The following NLGN1 variants were observed in gnomAD, a reference collection of about 807,000 sequenced individuals.
The protein encoded by NLGN1 is neuroligin 1, also known as neuroligin-1.
In NLGN1, 12 loss-of-function variants were observed where a neutral mutation model predicts 65.5. The ratio of observed to expected loss-of-function variants is 0.18; its 90% CI spans 0.12 to 0.30. The LOEUF (loss-of-function observed/expected upper bound fraction) is 0.30. Among genes scored for constraint, NLGN1 ranks in the 10% least tolerant of loss-of-function variants. The pLI is 1.00. For synonymous variants in NLGN1, 350 were observed against 359.5 expected (o/e 0.97, Z 0.30); for missense variants, 750 against 1,007.1 (o/e 0.74, Z 3.46).
chr3:173,518,993 C>T (rs1036211645), intron 2 of NLGN1, among the ~76,000 whole-genome samples: 1 of 152,132 alleles, frequency 6.6e-6, no homozygotes, highest in Non-Finnish European at 1.5e-5. Context: ...TGCTGTCCTG[C>T]ACAGCCTCAG....
intron 4 of NLGN1, among the ~76,000 whole-genome samples, chr3:174,164,057 A>G (rs570551304): frequency 6.6e-6 from 1 of 152,188 alleles, no homozygotes; most frequent in South Asian, 2.1e-4. Flanking sequence ...CCAACAGTGT[A>G]CAAGTATTCC....
intron 2 of NLGN1, among the ~76,000 whole-genome samples, chr3:173,584,371 A>G (rs111921602): frequency 0.013 from 1,630 of 123,518 alleles, 36 homozygotes; most frequent in African/African-American, 0.047. Context: ...GTAGAAACCT[A>G]TATTAGGGTA....
intron 3 of NLGN1, among the ~76,000 whole-genome samples, chr3:173,632,603 G>T (rs1333763985): frequency 2.0e-5 from 3 of 152,124 alleles, no homozygotes; most frequent in African/African-American, 4.8e-5. Context: ...GAAGTTCAGA[G>T]AATTCAGTCA....
intron 2 of NLGN1, among the ~76,000 whole-genome samples, chr3:173,482,385 C>T (rs1465590900): frequency 6.6e-6 from 1 of 151,592 alleles, no homozygotes; most frequent in African/African-American, 2.4e-5. Context: ...AATTTTTTTC[C>T]AGGTGGATCT....
downstream of NLGN1, among the ~76,000 whole-genome samples, chr3:174,288,146 A>G (rs960319369): frequency 6.6e-6 from 1 of 151,542 alleles, no homozygotes; most frequent in Non-Finnish European, 1.5e-5. Context: ...TCTATTTCAC[A>G]TGTCTCAAAA....
At chr3:174,152,649 AAT>A (rs941693080) in intron 4 of NLGN1, among the ~76,000 whole-genome samples, 1 of 151,772 alleles carries the variant, frequency 6.6e-6, no homozygotes, top group South Asian at 2.1e-4. Flanking sequence ...GTATAATAAA[AAT>A]ATATATATAA....
intron 4 of NLGN1, among the ~76,000 whole-genome samples, chr3:173,990,939 A>T (rs1720969363): frequency 6.6e-6 from 1 of 152,166 alleles, no homozygotes; most frequent in East Asian, 1.9e-4. Context: ...CTCACATCAA[A>T]ATTTAGCAGA....
chr3:173,839,870 TTATAGA>T (rs3033760), intron 4 of NLGN1, among the ~76,000 whole-genome samples: 99,167 of 151,212 alleles, frequency 0.66, 33,305 homozygotes, highest in Non-Finnish European at 0.73. Context: ...AAATGTGGTA[TTATAGA>T]TATAGCTAAA....
intron 3 of NLGN1, among the ~76,000 whole-genome samples, chr3:173,734,333 C>T (rs1348843956): frequency 7.4e-6 from 1 of 135,596 alleles, no homozygotes. Flanking sequence ...GTTGTGTTTT[C>T]AGTCTATTGA....
intron 2 of NLGN1, among the ~76,000 whole-genome samples, chr3:173,602,392 T>C (rs1451034591): frequency 6.6e-6 from 1 of 152,000 alleles, no homozygotes; most frequent in Non-Finnish European, 1.5e-5. Context: ...AATACTATAG[T>C]TCTCCAAACA....
At chr3:173,461,043 C>G (rs1723288798) in intron 2 of NLGN1, among the ~76,000 whole-genome samples, 1 of 152,138 alleles carries the variant, frequency 6.6e-6, no homozygotes, top group Non-Finnish European at 1.5e-5. Context: ...TATGGAGAGA[C>G]AGTAGTTTAC....
chr3:173,432,516 G>A (rs934765392), intron 1 of NLGN1, among the ~76,000 whole-genome samples: 1 of 152,108 alleles, frequency 6.6e-6, no homozygotes, highest in Admixed American at 6.6e-5. Flanking sequence ...ATTTACATCT[G>A]TATAACTTCT....
At chr3:173,420,168 T>C (rs188081847) in intron 1 of NLGN1, among the ~76,000 whole-genome samples, 2,678 of 152,018 alleles carry the variant, frequency 0.018, 91 homozygotes, top group African/African-American at 0.061. Context: ...GTTGGTGTGC[T>C]GCACCCATTA....
chr3:174,095,410 A>G (rs1271666254), intron 4 of NLGN1, among the ~76,000 whole-genome samples: 1 of 151,902 alleles, frequency 6.6e-6, no homozygotes, highest in African/African-American at 2.4e-5. Flanking sequence ...GTAAAAAAGT[A>G]TGCTAAATTA....
intron 4 of NLGN1, among the ~76,000 whole-genome samples, chr3:174,173,930 G>A (rs960879974): frequency 4.0e-5 from 6 of 151,866 alleles, no homozygotes; most frequent in African/African-American, 1.5e-4. Context: ...CATCACCCAA[G>A]CAGTATACAC....
At chr3:174,181,629 G>GA (rs536822659) in intron 4 of NLGN1, among the ~76,000 whole-genome samples, 1 of 152,094 alleles carries the variant, frequency 6.6e-6, no homozygotes, top group South Asian at 2.1e-4. Context: ...TAAAAATGTA[G>GA]AAAAAATGTC....
rs921581723 is a variant in NLGN1 at position 174,129,345 on chromosome 3, C to A, written c.647-145970C>A. ...TTGCTATATCTATCTCCCCCCACCC[C>A]CGGTTTACAACACACACACACACAC... On this transcript the variant is annotated intron_variant, in intron 4 of 6. Coordinates refer to ENST00000457714, the Ensembl canonical transcript of NLGN1. Among the ~76,000 whole-genome samples, 3 of 139,694 alleles carry A rather than the reference C, an allele frequency of 2.1e-5. No individual in the cohort carries two copies. In the East Asian group the frequency reaches 6.4e-4, roughly 30 times the overall value. 91.6% of individuals were successfully genotyped at this position (139,694 alleles called of 152,430 possible). A position where few individuals can be genotyped will look rare whatever the true frequency, so the allele number is the denominator to read the frequency against.
At chr3:174,250,900 T>C (rs1744653631) in intron 4 of NLGN1, among the ~76,000 whole-genome samples, 1 of 152,146 alleles carries the variant, frequency 6.6e-6, no homozygotes, top group African/African-American at 2.4e-5. Context: ...AGAAAAAGCC[T>C]TTTTTGTTTT....
intron 4 of NLGN1, among the ~76,000 whole-genome samples, chr3:174,016,505 G>C (rs947090588): frequency 4.6e-5 from 7 of 152,134 alleles, no homozygotes; most frequent in Non-Finnish European, 8.8e-5. Flanking sequence ...ATTGAGACCA[G>C]CAACCATCGC....
Sources: allele counts gnomAD v4.1 joint callset (sites outside exome capture counted in the v4.1 genomes callset), GRCh38; gene constraint gnomAD v4.1.1; transcripts MANE v1.5; gene names NCBI Gene and HGNC (gene_info 2026-07-23, HGNC 2026-07-21).